The following SLC29A4 variants were observed in gnomAD, a reference collection of about 807,000 sequenced individuals.
SLC29A4 encodes solute carrier family 29 member 4.
Under a neutral mutation model 43.9 loss-of-function variants are expected in SLC29A4, and 36 were observed. The observed-to-expected ratio is 0.82, with a 90% CI of 0.63 to 1.08. The LOEUF (loss-of-function observed/expected upper bound fraction) is 1.08. Among genes scored for constraint, SLC29A4 ranks in the 50% least tolerant of loss-of-function variants. The pLI is 0.00. For missense variants in SLC29A4, 869 were observed against 755.3 expected (o/e 1.15, Z -1.77); for synonymous variants, 491 against 338.0 (o/e 1.45, Z -4.97).
Position 5,299,321 on chromosome 7 carries a change from T to C in SLC29A4, c.1103T>C (p.Leu368Pro). Residue 368 changes from leucine to proline, a missense_variant, in exon 9 of 11, where the codon CTG becomes CCG. By Grantham distance (98) the Leu-to-Pro change is moderately conservative. Coordinates refer to ENST00000396872, the MANE Select transcript of SLC29A4 (RefSeq NM_153247.4). ...ATCGCCGTGACCTACTTCATCACGCTGTGCCTGTTCCCCGGCCTCGAGTCT... is the reference window on the plus strand; with the variant it reads ...ATCGCCGTGACCTACTTCATCACGCCGTGCCTGTTCCCCGGCCTCGAGTCT... ...LSIAVTYFIT[L>P]CLFPGLESEI... The C allele has an allele frequency of 6.2e-7, 1 of 1,612,062 alleles. No individual in the cohort carries two copies. The highest frequency in any genetic ancestry group is 8.5e-7 in the Non-Finnish European group (1 of 1,179,868).
intron 7 of SLC29A4, 39 bp from the exon 8 acceptor site, chr7:5,298,949 C>T (rs745968385): frequency 1.3e-6 from 2 of 1,592,996 alleles, no homozygotes; most frequent in Non-Finnish European, 1.7e-6. Context: ...CCTGTCCTCC[C>T]TTCCACTCCA....
chr7:5,284,341 T>C (rs1406594019), intron 1 of SLC29A4, among the ~76,000 whole-genome samples: 2 of 152,164 alleles, frequency 1.3e-5, no homozygotes, highest in East Asian at 3.9e-4. Flanking sequence ...CAGCTGAGCC[T>C]ACCCCACCAG....
chr7:5,295,495 C>T (rs1195885171), intron 6 of SLC29A4, among the ~76,000 whole-genome samples: 1 of 152,226 alleles, frequency 6.6e-6, no homozygotes, highest in Non-Finnish European at 1.5e-5. Context: ...ACATCCGGCC[C>T]TTCTCCAAGT....
intron 3 of SLC29A4, 33 bp from the exon 4 acceptor site, chr7:5,291,091 C>A: frequency 1.2e-6 from 2 of 1,608,394 alleles, no homozygotes; most frequent in Non-Finnish European, 1.7e-6. Context: ...GGTGGGGCCT[C>A]CCTGAGCACC....
In SLC29A4 at chr7:5,294,874, T is replaced by G. The variant is rs1785543842; in HGVS notation, c.559T>G (p.Phe187Val). The G allele has an allele frequency of 6.2e-7, 1 of 1,612,558 alleles. No individual in the cohort carries two copies. The highest frequency in any genetic ancestry group is 2.2e-5 in the East Asian group (1 of 44,814). Residue 187 changes from phenylalanine (F) to valine (V), a missense_variant, in exon 6 of 11, where the codon TTC becomes GTC. Phe to Val is a conservative substitution (Grantham distance 50). Coordinates refer to ENST00000396872, the MANE Select transcript of SLC29A4 (RefSeq NM_153247.4). ...AFGCTVQQSS[F>V]YGYTGMLPKR... ...TCTCTCTTAAGTGCAGCAATCCAGC[T>G]TCTACGGGTACACGGGGATGCTGCC...
intron 5 of SLC29A4, among the ~76,000 whole-genome samples, chr7:5,293,754 C>G (rs563758781): frequency 6.6e-6 from 1 of 152,128 alleles, no homozygotes; most frequent in African/African-American, 2.4e-5. Context: ...GAGGGAGAGG[C>G]CAGGCCCCCC....
chr7:5,287,733 T>C lies in SLC29A4; in HGVS notation c.-8-76T>C, dbSNP rs1785046757. 50 of 1,444,176 alleles carry C rather than the reference T, an allele frequency of 3.5e-5. No individual in the cohort carries two copies. The South Asian group carries it at 6.4e-4, about 19-fold the overall frequency. 89.5% of individuals were successfully genotyped at this position (1,444,176 alleles called of 1,614,324 possible). A position where few individuals can be genotyped will look rare whatever the true frequency, so the allele number is the denominator to read the frequency against. ...GACATGTGTCACTCCAGGTAGAAGC[T>C]TTATGGGTCAGTGCATGAGCCATGG... is the stretch of plus-strand genomic sequence containing the variant. On this transcript the variant is annotated intron_variant, in intron 1 of 10. Transcript: ENST00000396872.
chr7:5,300,397 C>A (rs373068770), intron 9 of SLC29A4, 25 bp from the exon 10 acceptor site: 20 of 1,609,900 alleles, frequency 1.2e-5, no homozygotes, highest in African/African-American at 8.0e-5. Context: ...CGGGACAGGG[C>A]GCCCACTTGC....
At position 5,302,831 on chromosome 7, in the gene SLC29A4, G is replaced by A. The variant is rs376932128; in HGVS notation, c.1485G>A (p.Leu495=). The A allele has an allele frequency of 7.0e-6, 11 of 1,575,398 alleles. No homozygotes were observed. The East Asian group carries it at 2.3e-4, about 34-fold the overall frequency. The change falls in exon 11 of 11, where the codon CTG becomes CTA. Residue 495 remains leucine (L), a synonymous_variant. Transcript: ENST00000396872. The part of the protein sequence containing the change: ...NTMTVSYMSG[L]TLGSAVAYCT... ...TGACCGTGTCCTACATGTCAGGGCT[G>A]ACGCTGGGGTCCGCCGTGGCCTACT...
At chr7:5,300,720 C>G in intron 10 of SLC29A4, 58 bp downstream of exon 10, 1 of 1,577,686 alleles carries the variant, frequency 6.3e-7, no homozygotes, top group Non-Finnish European at 8.5e-7. Flanking sequence ...ATGCCCCCCT[C>G]GCGAGGAAAC....
At chr7:5,294,411 C>T (rs144357957) in intron 5 of SLC29A4, among the ~76,000 whole-genome samples, 442 of 152,208 alleles carry the variant, frequency 2.9e-3, no homozygotes, top group Non-Finnish European at 5.0e-3. Flanking sequence ...ACAAATAGCC[C>T]AGAAATCTCA....
chr7:5,286,089 T>C (rs1032154564), intron 1 of SLC29A4, among the ~76,000 whole-genome samples: 13 of 152,194 alleles, frequency 8.5e-5, no homozygotes, highest in African/African-American at 3.1e-4. Context: ...TTCCAGCCTT[T>C]ACCACGGCTC....
intron 1 of SLC29A4, among the ~76,000 whole-genome samples, chr7:5,287,507 C>A (rs1785032629): frequency 6.6e-6 from 1 of 152,072 alleles, no homozygotes; most frequent in African/African-American, 2.4e-5. Flanking sequence ...AAAGGACGGT[C>A]CCCCCAGGGG....
At chr7:5,300,789 T>G (rs1266775739) in intron 10 of SLC29A4, 127 bp downstream of exon 10, 1 of 1,297,588 alleles carries the variant, frequency 7.7e-7, no homozygotes, top group Non-Finnish European at 1.0e-6. Flanking sequence ...AGTCAGTGTC[T>G]GGGAGGCCGT....
rs1379324866 is a variant in SLC29A4, at chr7:5,299,871, G to T, written c.1209+444G>T. Reference sequence around the variant, plus strand: ...GTTCTAGACCAACCTTGCCAACATGGTGAAACCCCGTGTCTACTGAAAATA... The same window carrying T: ...GTTCTAGACCAACCTTGCCAACATGTTGAAACCCCGTGTCTACTGAAAATA... On this transcript the variant is annotated intron_variant, in intron 9 of 10. Coordinates refer to ENST00000396872, the MANE Select transcript of SLC29A4 (RefSeq NM_153247.4). 2.6e-5 allele frequency among the ~76,000 whole-genome samples: 4 copies of T among 152,340 alleles called. No individual in the cohort carries two copies. In the East Asian group the frequency reaches 7.7e-4, roughly 29 times the overall value.
rs890664812 is a variant in SLC29A4 at position 5,303,139 on chromosome 7, C to T, written c.*200C>T. On this transcript the variant is annotated 3_prime_UTR_variant, in exon 11 of 11. Transcript: ENST00000396872. ...GTCCTCCGAGGACCGGAACACGTTT[C>T]TGCGACCCGGGGCTCTGGCCAGCAC... The T allele has an allele frequency of 1.5e-5, 10 of 650,752 alleles. No individual in the cohort carries two copies. Among genetic ancestry groups the T allele is most frequent in the Admixed American group, 5.9e-5 (2 of 33,810 alleles). The allele number at this position is 650,752 out of a possible 1,614,324, so 40.3% of individuals were successfully genotyped here.
At chr7:5,294,489 T>C (rs1246766444) in intron 5 of SLC29A4, among the ~76,000 whole-genome samples, 1 of 152,158 alleles carries the variant, frequency 6.6e-6, no homozygotes, top group African/African-American at 2.4e-5. Flanking sequence ...TGAAGGGTGT[T>C]ATGCTCCATA....
At chr7:5,294,655 C>G (rs1186250037) in intron 5 of SLC29A4, among the ~76,000 whole-genome samples, 1 of 152,170 alleles carries the variant, frequency 6.6e-6, no homozygotes, top group East Asian at 1.9e-4. Context: ...GACGTTTCAT[C>G]TGTCAGAGCT....
Position 5,287,894 on chromosome 7 carries a change from C to T in SLC29A4, c.78C>T (p.Phe26=). ...GTPDPGVVMS[F]TFDSHQLEEA... ...CAGACCCGGGCGTAGTGATGAGCTT[C>T]ACCTTCGACAGTCACCAGCTGGAGG... is the stretch of plus-strand genomic sequence containing the variant. Residue 26 remains phenylalanine, a synonymous_variant, in exon 2 of 11, where the codon TTC becomes TTT. Transcript: ENST00000396872. 6.2e-7 allele frequency: 1 copy of T among 1,612,062 alleles called. No homozygotes were observed. Among genetic ancestry groups the T allele is most frequent in the African/African-American group, 1.3e-5 (1 of 75,024 alleles).
Sources: allele counts gnomAD v4.1 joint callset (sites outside exome capture counted in the v4.1 genomes callset), GRCh38; gene constraint gnomAD v4.1.1; transcripts MANE v1.5; gene names NCBI Gene and HGNC (gene_info 2026-07-23, HGNC 2026-07-21).